TCF7L1: variants seen among roughly 807,000 people sequenced by gnomAD.
The protein encoded by TCF7L1 is transcription factor 7 like 1.
Under a neutral mutation model 63.7 loss-of-function variants are expected in TCF7L1, and 18 were observed. The observed-to-expected ratio is 0.28, with a 90% CI of 0.20 to 0.42. The LOEUF (loss-of-function observed/expected upper bound fraction) is 0.42. Among genes scored for constraint, TCF7L1 ranks in the 10% least tolerant of loss-of-function variants. TCF7L1 has a pLI of 1.00. For missense variants in TCF7L1, 654 were observed against 779.3 expected (o/e 0.84, Z 1.91); for synonymous variants, 355 against 340.9 (o/e 1.04, Z -0.46).
At chr2:85,283,174 C>G (rs906350576) in intron 3 of TCF7L1, among the ~76,000 whole-genome samples, 12 of 151,388 alleles carry the variant, frequency 7.9e-5, no homozygotes, top group African/African-American at 2.9e-4. Context: ...ACTTGAGCCT[C>G]ACTAGTAGGT....
intron 3 of TCF7L1, among the ~76,000 whole-genome samples, chr2:85,155,191 G>A (rs1678114969): frequency 6.6e-6 from 1 of 152,168 alleles, no homozygotes; most frequent in Non-Finnish European, 1.5e-5. Context: ...TGGGTACTTG[G>A]AGAACTTTTC....
intron 3 of TCF7L1, among the ~76,000 whole-genome samples, chr2:85,218,390 G>A (rs1679758563): frequency 6.6e-6 from 1 of 151,994 alleles, no homozygotes; most frequent in Admixed American, 6.6e-5. Flanking sequence ...TGAATAACTG[G>A]GACTATAAGC....
At chr2:85,135,453 G>C (rs1275073015) in intron 3 of TCF7L1, among the ~76,000 whole-genome samples, 1 of 152,208 alleles carries the variant, frequency 6.6e-6, no homozygotes, top group Admixed American at 6.5e-5. Context: ...CCCATTGCCT[G>C]CCACTTCGCT....
At chr2:85,308,294 C>T (rs1293736349) in intron 11 of TCF7L1, among the ~76,000 whole-genome samples, 1 of 148,382 alleles carries the variant, frequency 6.7e-6, no homozygotes, top group Non-Finnish European at 1.5e-5. Flanking sequence ...CACTCCAGGA[C>T]AAGTGTATCG....
chr2:85,293,371 C>T (rs1048694262), intron 4 of TCF7L1, among the ~76,000 whole-genome samples: 1 of 152,078 alleles, frequency 6.6e-6, no homozygotes, highest in Non-Finnish European at 1.5e-5. Flanking sequence ...TGCAGGACCT[C>T]CCCCCACTCT....
intron 3 of TCF7L1, among the ~76,000 whole-genome samples, chr2:85,267,319 A>T (rs1316245181): frequency 2.5e-5 from 3 of 117,650 alleles, no homozygotes; most frequent in African/African-American, 1.0e-4. Flanking sequence ...CAACAGAGCG[A>T]GGCTCTGTCT....
At chr2:85,242,319 A>G (rs977339343) in intron 3 of TCF7L1, among the ~76,000 whole-genome samples, 4 of 152,230 alleles carry the variant, frequency 2.6e-5, no homozygotes, top group Non-Finnish European at 4.4e-5. Flanking sequence ...TAAAATGCCA[A>G]CATCCAGGCC....
chr2:85,304,888 G>C (rs1466927922), intron 7 of TCF7L1, among the ~76,000 whole-genome samples: 2 of 152,186 alleles, frequency 1.3e-5, no homozygotes, highest in Admixed American at 1.3e-4. Context: ...GACGGTGAAA[G>C]GGGATTTCTG....
At chr2:85,243,246 A>G (rs189032509) in intron 3 of TCF7L1, among the ~76,000 whole-genome samples, 1 of 152,212 alleles carries the variant, frequency 6.6e-6, no homozygotes, top group East Asian at 1.9e-4. Flanking sequence ...TGTGTTTTTG[A>G]TGAAAGGTAA....
intron 3 of TCF7L1, among the ~76,000 whole-genome samples, chr2:85,183,875 G>C (rs1678858493): frequency 6.6e-6 from 1 of 152,196 alleles, no homozygotes; most frequent in Non-Finnish European, 1.5e-5. Context: ...AGTTCTAGGA[G>C]CTGCAGTTTC....
At chr2:85,187,116 A>T (rs1250094869) in intron 3 of TCF7L1, 1 of 152,214 alleles carries the variant, frequency 6.6e-6, no homozygotes, top group Non-Finnish European at 1.5e-5. Flanking sequence ...TCAGAACGTC[A>T]TCTTTTTCCT....
chr2:85,172,990 G>A (rs567242722), intron 3 of TCF7L1, among the ~76,000 whole-genome samples: 17 of 152,176 alleles, frequency 1.1e-4, no homozygotes, highest in African/African-American at 3.1e-4. Flanking sequence ...CCCAGCACCC[G>A]GACAGTGTCA....
rs1681697300 is a variant in TCF7L1, at chr2:85,290,891, A to C, written c.525+7313A>C. 3.9e-5 allele frequency among the ~76,000 whole-genome samples: 6 copies of C among 152,198 alleles called. No individual in the cohort carries two copies. The South Asian group carries it at 1.2e-3, about 32-fold the overall frequency. On this transcript the variant is annotated intron_variant, in intron 4 of 11. Transcript: ENST00000282111. ...CATTCATTCTCTGTCCTTCCAGCCC[A>C]CCAGGATGGGAGCTGGGAGCTGTGC...
chr2:85,235,661 A>C (rs1281733276), intron 3 of TCF7L1, among the ~76,000 whole-genome samples: 3 of 152,120 alleles, frequency 2.0e-5, no homozygotes, highest in Non-Finnish European at 4.4e-5. Context: ...CCAAGGCATT[A>C]GGATCTTAAG....
At chr2:85,138,788 TAC>T (rs1045330696) in intron 3 of TCF7L1, among the ~76,000 whole-genome samples, 19 of 152,150 alleles carry the variant, frequency 1.2e-4, no homozygotes, top group Non-Finnish European at 2.1e-4. Context: ...AAGCAAAACA[TAC>T]ACACACACCC....
At chr2:85,201,134 C>T (rs1572989174) in intron 3 of TCF7L1, among the ~76,000 whole-genome samples, 1 of 152,262 alleles carries the variant, frequency 6.6e-6, no homozygotes. Context: ...ACCTGGGAGG[C>T]GGAGGTTGCA....
At chr2:85,269,282 A>C (rs528489954) in intron 3 of TCF7L1, among the ~76,000 whole-genome samples, 2 of 152,156 alleles carry the variant, frequency 1.3e-5, no homozygotes, top group Non-Finnish European at 2.9e-5. Context: ...CTATTTACAT[A>C]ATTATTTTTC....
chr2:85,294,813 A>G (rs748468644), intron 4 of TCF7L1, among the ~76,000 whole-genome samples: 2 of 152,142 alleles, frequency 1.3e-5, no homozygotes, highest in Non-Finnish European at 2.9e-5. Flanking sequence ...TGGGAGGATC[A>G]CTTGAGCTCA....
chr2:85,239,939 C>A (rs1680284201), intron 3 of TCF7L1, among the ~76,000 whole-genome samples: 2 of 101,016 alleles, frequency 2.0e-5, no homozygotes, highest in South Asian at 4.1e-4. Context: ...GAGCGAGACT[C>A]CATCTAAAAA....
Sources: allele counts gnomAD v4.1 joint callset (sites outside exome capture counted in the v4.1 genomes callset), GRCh38; gene constraint gnomAD v4.1.1; transcripts MANE v1.5; gene names NCBI Gene and HGNC (gene_info 2026-07-23, HGNC 2026-07-21).